Variants in NIBAN1 observed in about 807,000 individuals in gnomAD.
NIBAN1 encodes the protein niban apoptosis regulator 1.
In NIBAN1, 81 loss-of-function variants were observed where a neutral mutation model predicts 75.1. That is an observed-to-expected ratio of 1.08 (90% confidence interval 0.90 to 1.30). The LOEUF (loss-of-function observed/expected upper bound fraction) is 1.30, where lower values mean the gene tolerates loss of function less well. Ranked by LOEUF, NIBAN1 falls within the 50% of genes most tolerant of loss-of-function variation. The pLI is 0.00. For missense variants in NIBAN1, 1,133 were observed against 1,128.1 expected (o/e 1.00, Z -0.06); for synonymous variants, 436 against 424.8 (o/e 1.03, Z -0.32).
At chr1:184,942,114 G>C in intron 1 of NIBAN1, among the ~76,000 whole-genome samples, 1 of 152,154 alleles carries the variant, frequency 6.6e-6, no homozygotes, top group East Asian at 1.9e-4. Context: ...AAGTCTTTGA[G>C]TTATCATTTA....
intron 5 of NIBAN1, among the ~76,000 whole-genome samples, chr1:184,859,018 A>T (rs1289679067): frequency 1.3e-5 from 2 of 152,088 alleles, no homozygotes; most frequent in Non-Finnish European, 2.9e-5. Context: ...ATTGAGAAAA[A>T]TATGGAAAGA....
At position 184,823,750 on chromosome 1, in the gene NIBAN1, G is replaced by A. The variant is rs758058811; in HGVS notation, c.718-8C>T. 1.9e-6 allele frequency: 3 copies of A among 1,613,340 alleles called. No homozygotes were observed. Among genetic ancestry groups the A allele is most frequent in the Non-Finnish European group, 1.7e-6 (2 of 1,179,322 alleles). ...CACCAGGTTACTCAGGATCTGCGCA[G>A]CAGAAGACAGCCCAGAGTCGGTCAG... On this transcript the variant is annotated splice_region_variant and splice_polypyrimidine_tract_variant and intron_variant, in intron 6 of 13. Coordinates refer to ENST00000367511, the MANE Select transcript of NIBAN1 (RefSeq NM_052966.4).
chr1:184,801,118 G>T (rs1654028864), intron 12 of NIBAN1, among the ~76,000 whole-genome samples: 3 of 152,110 alleles, frequency 2.0e-5, no homozygotes, highest in Admixed American at 2.0e-4. Context: ...TCCCACATGT[G>T]GCTCTTAGAG....
Position 184,795,067 on chromosome 1 carries a change from T to C in NIBAN1, c.2697A>G (p.Pro899=). The C allele has an allele frequency of 6.2e-7, 1 of 1,614,074 alleles. No homozygotes were observed. Among genetic ancestry groups the C allele is most frequent in the Non-Finnish European group, 8.5e-7 (1 of 1,180,038 alleles). Residue 899 remains proline, a synonymous_variant, in exon 14 of 14, where the codon CCA becomes CCG. Coordinates refer to ENST00000367511, the MANE Select transcript of NIBAN1 (RefSeq NM_052966.4). ...HECQWVVEDA[P]NPDVLLSHKD... ...TGTGTGACAGCAGGACATCCGGGTT[T>C]GGAGCATCCTCCACCACCCACTGAC...
At chr1:184,832,572 C>G (rs531717312) in intron 5 of NIBAN1, among the ~76,000 whole-genome samples, 2 of 152,280 alleles carry the variant, frequency 1.3e-5, no homozygotes, top group South Asian at 2.1e-4. Flanking sequence ...GACTGAGGCA[C>G]AGAAAGATGA....
At chr1:184,854,208 CT>C (rs1029156181) in intron 5 of NIBAN1, among the ~76,000 whole-genome samples, 1 of 152,124 alleles carries the variant, frequency 6.6e-6, no homozygotes, top group African/African-American at 2.4e-5. Flanking sequence ...GGACAGCACA[CT>C]CTAGATGCTT....
chr1:184,959,969 G>C lies in NIBAN1; in HGVS notation c.55+14333C>G, dbSNP rs183523536. ...ATTTTCTTTGTTCTCTTGTTTTCTG[G>C]GACTTCTGTTAGTCAGATATTGAAA... On this transcript the variant is annotated intron_variant, in intron 1 of 13. Coordinates refer to ENST00000367511, the MANE Select transcript of NIBAN1 (RefSeq NM_052966.4). Among the ~76,000 whole-genome samples, 9 of 151,970 alleles carry C rather than the reference G, an allele frequency of 5.9e-5. No individual in the cohort carries two copies. In the East Asian group the frequency reaches 1.7e-3, roughly 29 times the overall value.
chr1:184,843,398 C>G (rs916317121), intron 5 of NIBAN1, among the ~76,000 whole-genome samples: 1 of 152,072 alleles, frequency 6.6e-6, no homozygotes, highest in African/African-American at 2.4e-5. Context: ...ATGACCCACA[C>G]TCCAGTCTTT....
chr1:184,843,961 C>T lies in NIBAN1; in HGVS notation c.602-11999G>A, dbSNP rs530106073. ...ACGTTGTGGGCATCTGTGTGGCTTA[C>T]TCTCTGCAGGCAAGTTTACTACACA... On this transcript the variant is annotated intron_variant, in intron 5 of 13. Coordinates refer to ENST00000367511, the MANE Select transcript of NIBAN1 (RefSeq NM_052966.4). Among the ~76,000 whole-genome samples, 11 of 152,318 alleles carry T rather than the reference C, an allele frequency of 7.2e-5. No individual in the cohort carries two copies. The East Asian group carries it at 1.9e-3, about 27-fold the overall frequency.
At chr1:184,871,347 CAAAAAAAAAAAAA>C (rs10658216) in intron 5 of NIBAN1, among the ~76,000 whole-genome samples, 2 of 34,566 alleles carry the variant, frequency 5.8e-5, no homozygotes, top group African/African-American at 1.0e-4. Context: ...AACTCTATCT[CAAAAAAAAAAAAA>C]AAAAAAAAAA....
chr1:184,924,149 T>G (rs943407385), intron 1 of NIBAN1, among the ~76,000 whole-genome samples: 1 of 152,136 alleles, frequency 6.6e-6, no homozygotes, highest in Admixed American at 6.5e-5. Flanking sequence ...CTTGTTGTGT[T>G]TCAGATCTTA....
At chr1:184,936,579 C>G (rs1209855548) in intron 1 of NIBAN1, among the ~76,000 whole-genome samples, 1 of 152,214 alleles carries the variant, frequency 6.6e-6, no homozygotes, top group African/African-American at 2.4e-5. Context: ...TGCCCTCTGG[C>G]AGGGCCATTC....
chr1:184,923,765 A>G (rs1181581806), intron 1 of NIBAN1, among the ~76,000 whole-genome samples: 1 of 151,986 alleles, frequency 6.6e-6, no homozygotes, highest in Non-Finnish European at 1.5e-5. Flanking sequence ...TTTTATAGTT[A>G]TCATTGTAGA....
At chr1:184,808,969 A>T (rs1344588403) in intron 9 of NIBAN1, among the ~76,000 whole-genome samples, 1 of 152,190 alleles carries the variant, frequency 6.6e-6, no homozygotes, top group East Asian at 1.9e-4. Flanking sequence ...CTTAGTTTAA[A>T]ATCATTTTTT....
chr1:184,943,605 G>T (rs199508216), intron 1 of NIBAN1, among the ~76,000 whole-genome samples: 2 of 151,906 alleles, frequency 1.3e-5, no homozygotes. Context: ...ACTTGCTAAG[G>T]AATGCAATGT....
In NIBAN1 at chr1:184,794,625, T is replaced by C. The variant is rs1352335873; in HGVS notation, c.*352A>G. On this transcript the variant is annotated 3_prime_UTR_variant, in exon 14 of 14. Coordinates refer to ENST00000367511, the MANE Select transcript of NIBAN1 (RefSeq NM_052966.4). ...AAAGCCTTAAAGTGCACAAGAAGAT[T>C]GCACAATTGAAAAGTGCAGAGTATA... 5.4e-6 allele frequency: 2 copies of C among 369,618 alleles called. No homozygotes were observed. The highest frequency in any genetic ancestry group is 6.9e-5 in the East Asian group (1 of 14,460). The allele number at this position is 369,618 out of a possible 1,614,324, so 22.9% of individuals were successfully genotyped here. A position where few individuals can be genotyped will look rare whatever the true frequency, so the allele number is the denominator to read the frequency against.
chr1:184,935,694 G>C (rs545502145), intron 1 of NIBAN1, among the ~76,000 whole-genome samples: 1 of 152,074 alleles, frequency 6.6e-6, no homozygotes, highest in Non-Finnish European at 1.5e-5. Flanking sequence ...TTTGTTCACA[G>C]TTCTGAGTAC....
chr1:184,875,430 C>T (rs1414599147), intron 5 of NIBAN1, among the ~76,000 whole-genome samples: 1 of 152,206 alleles, frequency 6.6e-6, no homozygotes, highest in Non-Finnish European at 1.5e-5. Flanking sequence ...TAGAAGCATC[C>T]ACTTCCCAGG....
chr1:184,974,050 C>CG (rs1418097747), intron 1 of NIBAN1, among the ~76,000 whole-genome samples: 4 of 152,170 alleles, frequency 2.6e-5, no homozygotes, highest in Non-Finnish European at 5.9e-5. Context: ...GCGGGAGCGG[C>CG]GAAGGCGCCG....
Sources: gnomAD v4.1 joint callset for allele counts (sites outside exome capture counted in the v4.1 genomes callset) on GRCh38, gnomAD v4.1.1 for gene constraint, MANE v1.5 for transcripts, NCBI Gene and HGNC (gene_info 2026-07-23, HGNC 2026-07-21) for gene names.